EPHA6: variants seen among roughly 807,000 people sequenced by gnomAD.
EPHA6 encodes ephrin type-A receptor 6.
In EPHA6, 50 loss-of-function variants were observed where a neutral mutation model predicts 112.0. That is an observed-to-expected ratio of 0.45 (90% confidence interval 0.36 to 0.56). The LOEUF (loss-of-function observed/expected upper bound fraction) is 0.56. Ranked by LOEUF, EPHA6 falls within the 20% of genes least tolerant of loss-of-function variation. The probability of loss-of-function intolerance (pLI) is 0.00; values close to 1 mark genes in which losing one functional copy is unlikely to be tolerated. For synonymous variants in EPHA6, 529 were observed against 490.7 expected (o/e 1.08, Z -1.03); for missense variants, 1,280 against 1,417.4 (o/e 0.90, Z 1.56).
rs113277587 is a variant in EPHA6 at position 96,898,512 on chromosome 3, A to G, written c.450+31623A>G. On this transcript the variant is annotated intron_variant, in intron 2 of 17. Coordinates refer to ENST00000389672, the MANE Select transcript of EPHA6 (RefSeq NM_001080448.3). Reference sequence around the variant, plus strand: ...ATTCAAAATTGTAAAAGATGCTTTTATTCTCAGTGCTTACCCATTCATAAA... The same window carrying G: ...ATTCAAAATTGTAAAAGATGCTTTTGTTCTCAGTGCTTACCCATTCATAAA... Among the ~76,000 whole-genome samples, 783 of 152,276 alleles carry G rather than the reference A, an allele frequency of 5.1e-3. 8 individuals are homozygous for G. Among genetic ancestry groups the G allele is most frequent in the African/African-American group, 0.017 (710 of 41,570 alleles).
chr3:97,700,223 T>G (rs1374785174), intron 14 of EPHA6, among the ~76,000 whole-genome samples: 1 of 152,226 alleles, frequency 6.6e-6, no homozygotes, highest in Non-Finnish European at 1.5e-5. Flanking sequence ...AAACCACTCA[T>G]GGAAAGAAGC....
At chr3:97,058,970 A>C (rs775358194) in intron 3 of EPHA6, among the ~76,000 whole-genome samples, 7 of 152,150 alleles carry the variant, frequency 4.6e-5, no homozygotes, top group Non-Finnish European at 1.0e-4. Flanking sequence ...TCATTCTACA[A>C]CTGGGGCAGC....
chr3:97,273,394 G>T, intron 5 of EPHA6, among the ~76,000 whole-genome samples: 1 of 152,146 alleles, frequency 6.6e-6, no homozygotes, highest in East Asian at 1.9e-4. Flanking sequence ...GTGAATAGGT[G>T]TATGACTAGA....
chr3:97,605,057 T>C (rs1482142457), intron 12 of EPHA6, among the ~76,000 whole-genome samples: 3 of 151,578 alleles, frequency 2.0e-5, no homozygotes, highest in Non-Finnish European at 4.4e-5. Flanking sequence ...TTAACATTAA[T>C]ACTGTACCGT....
chr3:97,720,611 C>A (rs1180817107), intron 15 of EPHA6, among the ~76,000 whole-genome samples: 2 of 152,168 alleles, frequency 1.3e-5, no homozygotes, highest in Non-Finnish European at 2.9e-5. Flanking sequence ...CCAGGCTGTG[C>A]CATGTGAGTG....
chr3:96,931,157 C>G (rs960993262), intron 2 of EPHA6, among the ~76,000 whole-genome samples: 1 of 152,086 alleles, frequency 6.6e-6, no homozygotes, highest in Admixed American at 6.5e-5. Context: ...TGGTGGCCTG[C>G]CCCACCTCCC....
chr3:97,520,026 G>A (rs2092513682), intron 10 of EPHA6, among the ~76,000 whole-genome samples: 1 of 149,532 alleles, frequency 6.7e-6, no homozygotes, highest in Non-Finnish European at 1.5e-5. Context: ...GGAGTGCAGT[G>A]GTATGATCTC....
chr3:97,357,243 GTCACC>G (rs2084127535), intron 5 of EPHA6, among the ~76,000 whole-genome samples: 1 of 152,102 alleles, frequency 6.6e-6, no homozygotes, highest in Non-Finnish European at 1.5e-5. Flanking sequence ...GTCTCGCTCT[GTCACC>G]TAGGCTGGAT....
chr3:97,416,080 C>G (rs1416797368), intron 6 of EPHA6, among the ~76,000 whole-genome samples: 1 of 151,156 alleles, frequency 6.6e-6, no homozygotes, highest in African/African-American at 2.4e-5. Context: ...AAAACACCTA[C>G]TTGTTTTTAT....
intron 10 of EPHA6, among the ~76,000 whole-genome samples, chr3:97,512,725 C>T (rs954916777): frequency 8.6e-5 from 13 of 152,028 alleles, no homozygotes; most frequent in Admixed American, 2.6e-4. Flanking sequence ...CCACCACACC[C>T]GGCTAATTTT....
intron 16 of EPHA6, among the ~76,000 whole-genome samples, chr3:97,738,963 T>C (rs1051497820): frequency 4.6e-5 from 7 of 152,048 alleles, no homozygotes; most frequent in Admixed American, 2.6e-4. Flanking sequence ...CTCCACCCTC[T>C]TACTTGCAAT....
At chr3:97,567,259 G>A (rs1488437353) in intron 11 of EPHA6, among the ~76,000 whole-genome samples, 1 of 151,978 alleles carries the variant, frequency 6.6e-6, no homozygotes, top group Non-Finnish European at 1.5e-5. Context: ...ATTCATCATT[G>A]CAATCCTATG....
At chr3:96,853,451 C>T (rs1394362595) in intron 1 of EPHA6, among the ~76,000 whole-genome samples, 1 of 151,926 alleles carries the variant, frequency 6.6e-6, no homozygotes, top group Non-Finnish European at 1.5e-5. Context: ...TCCCCTCATT[C>T]TCCAAACTCA....
At chr3:97,644,598 A>G (rs1477183207) in intron 14 of EPHA6, among the ~76,000 whole-genome samples, 2 of 152,102 alleles carry the variant, frequency 1.3e-5, no homozygotes, top group Admixed American at 6.5e-5. Context: ...AAAAATGATA[A>G]AGGGGATATC....
chr3:97,307,081 CTAAT>C (rs2081351892), intron 5 of EPHA6, among the ~76,000 whole-genome samples: 1 of 151,784 alleles, frequency 6.6e-6, no homozygotes, highest in Admixed American at 6.6e-5. Flanking sequence ...CCAAGCTCAT[CTAAT>C]TAACTCTTTC....
Position 97,643,250 on chromosome 3 carries a change from T to A in EPHA6, c.2784+5168T>A, listed in dbSNP as rs1330934176. The stretch of plus-strand genomic sequence containing the variant: ...ACAGACAAGCAAATGCTGAGAGATT[T>A]TGTCACCACCAGGCCTGCCCTAAAA... On this transcript the variant is annotated intron_variant, in intron 14 of 17. Coordinates refer to ENST00000389672, the MANE Select transcript of EPHA6 (RefSeq NM_001080448.3). 1.9e-4 allele frequency among the ~76,000 whole-genome samples: 28 copies of A among 149,488 alleles called. No individual in the cohort carries two copies. The South Asian group carries it at 2.1e-3, about 11-fold the overall frequency.
At chr3:97,694,888 G>A (rs1178561038) in intron 14 of EPHA6, among the ~76,000 whole-genome samples, 1 of 152,176 alleles carries the variant, frequency 6.6e-6, no homozygotes, top group Non-Finnish European at 1.5e-5. Context: ...TAGTGCCTTT[G>A]ACCTTCATGC....
At chr3:97,082,892 A>G (rs543908311) in intron 3 of EPHA6, among the ~76,000 whole-genome samples, 12 of 152,104 alleles carry the variant, frequency 7.9e-5, no homozygotes, top group African/African-American at 2.9e-4. Flanking sequence ...AAAGTTTACT[A>G]TAATCATTTT....
intron 1 of EPHA6, among the ~76,000 whole-genome samples, chr3:96,832,904 A>G (rs1300773704): frequency 6.6e-6 from 1 of 151,942 alleles, no homozygotes; most frequent in Non-Finnish European, 1.5e-5. Flanking sequence ...TGGATACTAT[A>G]CCAAGTAGTT....
Sources: allele counts gnomAD v4.1 joint callset (sites outside exome capture counted in the v4.1 genomes callset), GRCh38; gene constraint gnomAD v4.1.1; transcripts MANE v1.5; gene names NCBI Gene and HGNC (gene_info 2026-07-23, HGNC 2026-07-21).